Variants in GREM2 observed in about 807,000 individuals in gnomAD.
GREM2 encodes the protein gremlin-2.
GREM2 carries 11 observed loss-of-function variants against 14.2 expected under a neutral mutation model. The ratio of observed to expected loss-of-function variants is 0.78; its 90% CI spans 0.49 to 1.28. The LOEUF is 1.28. GREM2 is among the 50% of genes most tolerant of loss of function. GREM2 has a pLI of 0.00. For synonymous variants in GREM2, 98 were observed against 97.6 expected, an observed-to-expected ratio of 1.00 and a Z score of -0.02; for missense variants, 210 against 218.5, an observed-to-expected ratio of 0.96 and a Z score of 0.24.
At position 240,547,573 on chromosome 1, in the gene GREM2, G is replaced by A. The variant is rs1678767633; in HGVS notation, c.-1-54097C>T. ...GATAGATAGACAGATAGATATGAAT[G>A]GAAGTTCTAAAGATGGATGTGAAGA... On this transcript the variant is annotated intron_variant, in intron 1 of 1. Coordinates refer to ENST00000318160, the MANE Select transcript of GREM2 (RefSeq NM_022469.4). Among the ~76,000 whole-genome samples, 4 of 142,888 alleles carry A rather than the reference G, an allele frequency of 2.8e-5. No individual in the cohort carries two copies. In the South Asian group the frequency reaches 8.6e-4, roughly 31 times the overall value. 93.7% of individuals were successfully genotyped at this position (142,888 alleles called of 152,430 possible). A position where few individuals can be genotyped will look rare whatever the true frequency, so the allele number is the denominator to read the frequency against.
intron 1 of GREM2, among the ~76,000 whole-genome samples, chr1:240,577,928 C>T (rs1183897904): frequency 6.6e-6 from 1 of 152,136 alleles, no homozygotes; most frequent in Non-Finnish European, 1.5e-5. Flanking sequence ...TCCAAGAGTT[C>T]AAAGTTATCC....
At chr1:240,571,718 G>A (rs940117438) in intron 1 of GREM2, among the ~76,000 whole-genome samples, 4 of 152,032 alleles carry the variant, frequency 2.6e-5, no homozygotes. Context: ...AAAAGAAAAA[G>A]AAAAGAAAAA....
intron 1 of GREM2, among the ~76,000 whole-genome samples, chr1:240,524,392 T>C (rs925868191): frequency 9.9e-5 from 15 of 152,256 alleles, no homozygotes; most frequent in African/African-American, 3.1e-4. Context: ...ATCTAGTTCA[T>C]TGTCTTTTGA....
rs187121476 is a variant in GREM2 at position 240,569,771 on chromosome 1, G to A, written c.-2+42113C>T. 1.4e-3 allele frequency among the ~76,000 whole-genome samples: 210 copies of A among 152,220 alleles called. 1 individual carries two copies. Among genetic ancestry groups the A allele is most frequent in the African/African-American group, 4.9e-3 (202 of 41,554 alleles). On this transcript the variant is annotated intron_variant, in intron 1 of 1. Transcript: ENST00000318160. ...TAAGAAAAAGAAAGGAAAGGTTTGC[G>A]ACCCTGTGTTAGGAGATTTCTTATA...
At chr1:240,500,426 G>A (rs1374823110) in intron 1 of GREM2, among the ~76,000 whole-genome samples, 2 of 151,908 alleles carry the variant, frequency 1.3e-5, no homozygotes, top group African/African-American at 4.8e-5. Context: ...AGCCTCCCGA[G>A]TAACTGGGAC....
At chr1:240,521,189 G>C (rs562902743) in intron 1 of GREM2, among the ~76,000 whole-genome samples, 72 of 152,220 alleles carry the variant, frequency 4.7e-4, no homozygotes, top group Middle Eastern at 6.8e-3. Context: ...TGTGAGTGAT[G>C]GAAGCAGCTT....
chr1:240,583,894 G>A (rs527438655), intron 1 of GREM2, among the ~76,000 whole-genome samples: 196 of 152,068 alleles, frequency 1.3e-3, no homozygotes, highest in Non-Finnish European at 1.9e-3. Context: ...GAGCCACCGC[G>A]CCCAGCCTTC....
At chr1:240,523,541 TCTCA>T (rs1678151438) in intron 1 of GREM2, among the ~76,000 whole-genome samples, 1 of 152,172 alleles carries the variant, frequency 6.6e-6, no homozygotes, top group African/African-American at 2.4e-5. Flanking sequence ...CAAGGAGTGT[TCTCA>T]CTGTTTTTTT....
chr1:240,522,314 C>T (rs1678120105), intron 1 of GREM2, among the ~76,000 whole-genome samples: 1 of 152,122 alleles, frequency 6.6e-6, no homozygotes, highest in African/African-American at 2.4e-5. Flanking sequence ...GCAAAGTCCT[C>T]CCCTGACAAC....
chr1:240,572,007 G>A (rs1313733975), intron 1 of GREM2, among the ~76,000 whole-genome samples: 1 of 152,084 alleles, frequency 6.6e-6, no homozygotes, highest in Non-Finnish European at 1.5e-5. Context: ...AATTCCAGCA[G>A]GGAGTTTGAT....
chr1:240,532,764 A>C (rs953412200), intron 1 of GREM2, among the ~76,000 whole-genome samples: 5 of 152,182 alleles, frequency 3.3e-5, no homozygotes, highest in African/African-American at 1.2e-4. Context: ...ATACTTAGAG[A>C]AGTTAAGTCT....
intron 1 of GREM2, among the ~76,000 whole-genome samples, chr1:240,564,529 A>T (rs1679138014): frequency 1.3e-5 from 2 of 151,860 alleles, no homozygotes; most frequent in Non-Finnish European, 2.9e-5. Flanking sequence ...AAATTAAAAT[A>T]AATAAATAAA....
At chr1:240,545,784 G>A (rs1678704756) in intron 1 of GREM2, among the ~76,000 whole-genome samples, 1 of 152,224 alleles carries the variant, frequency 6.6e-6, no homozygotes, top group Admixed American at 6.5e-5. Flanking sequence ...GAGCAACTGA[G>A]TGACAGTCGA....
At chr1:240,573,182 G>A (rs756626633) in intron 1 of GREM2, among the ~76,000 whole-genome samples, 6 of 152,060 alleles carry the variant, frequency 3.9e-5, no homozygotes, top group Admixed American at 1.3e-4. Flanking sequence ...TCAAAACTGG[G>A]CCAGGTGCAG....
intron 1 of GREM2, among the ~76,000 whole-genome samples, chr1:240,541,067 T>A (rs1678577154): frequency 6.6e-6 from 1 of 152,194 alleles, no homozygotes; most frequent in Admixed American, 6.5e-5. Flanking sequence ...CAATGGTGAA[T>A]ACAAAGAGAA....
rs955022768 is a variant in GREM2 at position 240,497,596 on chromosome 1, C to T, written c.-1-4120G>A. 1.0e-4 allele frequency among the ~76,000 whole-genome samples: 15 copies of T among 144,050 alleles called. 1 individual carries two copies. The highest frequency in any genetic ancestry group is 1.4e-4 in the Admixed American group (2 of 14,036). The allele number at this position is 144,050 out of a possible 152,430, so 94.5% of individuals were successfully genotyped here. A position where few individuals can be genotyped will look rare whatever the true frequency, so the allele number is the denominator to read the frequency against. Reference sequence around the variant, plus strand: ...GCAAAGGGTTTGGTACTGTCGATGACGCTGGGCAAAGGGAGTAAAAAAAAA... The same window carrying T: ...GCAAAGGGTTTGGTACTGTCGATGATGCTGGGCAAAGGGAGTAAAAAAAAA... On this transcript the variant is annotated intron_variant, in intron 1 of 1. Transcript: ENST00000318160.
chr1:240,500,325 G>A (rs1677541395), intron 1 of GREM2, among the ~76,000 whole-genome samples: 1 of 150,752 alleles, frequency 6.6e-6, no homozygotes, highest in Non-Finnish European at 1.5e-5. Context: ...TCCAGACAGA[G>A]TCTTGCTCTG....
At chr1:240,522,216 AAAG>A (rs1031849832) in intron 1 of GREM2, among the ~76,000 whole-genome samples, 2 of 152,160 alleles carry the variant, frequency 1.3e-5, no homozygotes, top group African/African-American at 4.8e-5. Context: ...AGAGACGAAA[AAAG>A]GGATTATACT....
chr1:240,506,806 G>A (rs1024205866), intron 1 of GREM2, among the ~76,000 whole-genome samples: 1 of 152,346 alleles, frequency 6.6e-6, no homozygotes, highest in Non-Finnish European at 1.5e-5. Context: ...GAAACCGAAA[G>A]GGACAATAAA....
Sources: allele counts gnomAD v4.1 joint callset (sites outside exome capture counted in the v4.1 genomes callset), GRCh38; gene constraint gnomAD v4.1.1; transcripts MANE v1.5; gene names NCBI Gene and HGNC (gene_info 2026-07-23, HGNC 2026-07-21).